The following HOMER2 variants were observed in gnomAD, a reference collection of about 807,000 sequenced individuals.
HOMER2 encodes homer protein homolog 2.
A neutral mutation model predicts 47.0 loss-of-function variants in HOMER2; 27 were observed. The ratio of observed to expected loss-of-function variants is 0.57; its 90% CI spans 0.42 to 0.79. The LOEUF is 0.79. HOMER2 is among the 30% of genes least tolerant of loss of function. The pLI is 0.00. For synonymous variants in HOMER2, 161 were observed against 163.8 expected (o/e 0.98, Z 0.13); for missense variants, 443 against 435.0 (o/e 1.02, Z -0.16).
chr15:82,843,309 A>G (rs1263173336), exon 2 of HOMER2: 1 of 151,620 alleles, frequency 6.6e-6, no homozygotes, highest in Non-Finnish European at 1.5e-5. Context: ...GCGTGGTGGC[A>G]TACACTTGTA....
At chr15:82,841,756 T>C (rs532918557) in exon 2 of HOMER2, 18 of 152,348 alleles carry the variant, frequency 1.2e-4, no homozygotes, top group Admixed American at 9.8e-4. Context: ...ACTGGCTAGT[T>C]ACAAAATCAA....
At chr15:82,852,636 G>C (rs2051435205) in intron 6 of HOMER2, 1 of 184,038 alleles carries the variant, frequency 5.4e-6, no homozygotes, top group Non-Finnish European at 1.1e-5. Flanking sequence ...CTTTTCTCCA[G>C]AATGACTGTT....
intron 2 of HOMER2, among the ~76,000 whole-genome samples, chr15:82,889,863 TGTGGTCAG>T (rs1214765458): frequency 6.6e-6 from 1 of 152,144 alleles, no homozygotes; most frequent in Non-Finnish European, 1.5e-5. Context: ...TCCAGTGCAG[TGTGGTCAG>T]GTTCTCCAGA....
chr15:82,973,904 A>G (rs1339057765), intron 1 of HOMER2, among the ~76,000 whole-genome samples: 1 of 152,042 alleles, frequency 6.6e-6, no homozygotes, highest in African/African-American at 2.4e-5. Flanking sequence ...TGTCTCTACT[A>G]AAAATACAAA....
At chr15:82,975,932 C>T (rs1056230920) in intron 1 of HOMER2, among the ~76,000 whole-genome samples, 1 of 152,092 alleles carries the variant, frequency 6.6e-6, no homozygotes, top group African/African-American at 2.4e-5. Context: ...GTTCTTATTT[C>T]GCATTGTGTG....
chr15:82,954,779 T>C (rs1343067753), upstream of HOMER2, among the ~76,000 whole-genome samples: 1 of 152,072 alleles, frequency 6.6e-6, no homozygotes, highest in Non-Finnish European at 1.5e-5. Flanking sequence ...CATCATTCTG[T>C]TTTGTTGTTG....
chr15:82,953,123 C>A (rs1458289336), upstream of HOMER2, among the ~76,000 whole-genome samples: 5 of 152,296 alleles, frequency 3.3e-5, no homozygotes, highest in South Asian at 2.1e-4. Flanking sequence ...GATTAGAGTT[C>A]GTTCGGGTCT....
upstream of HOMER2, among the ~76,000 whole-genome samples, chr15:82,956,112 T>A (rs928209914): frequency 6.6e-6 from 1 of 151,830 alleles, no homozygotes; most frequent in Non-Finnish European, 1.5e-5. Context: ...TGGTGGTACA[T>A]GCCTGTAATC....
chr15:82,975,860 T>C (rs971864800), intron 1 of HOMER2, among the ~76,000 whole-genome samples: 4 of 152,150 alleles, frequency 2.6e-5, no homozygotes, highest in African/African-American at 4.8e-5. Flanking sequence ...AAGAGTGTAA[T>C]TGGATTGTTT....
At chr15:82,920,217 T>C (rs910870535) in intron 1 of HOMER2, among the ~76,000 whole-genome samples, 2 of 152,194 alleles carry the variant, frequency 1.3e-5, no homozygotes, top group Non-Finnish European at 2.9e-5. Context: ...TCGCCATTGT[T>C]TTGCTGTTGT....
At chr15:82,843,588 A>G (rs1190710206) in exon 2 of HOMER2, 1 of 151,794 alleles carries the variant, frequency 6.6e-6, no homozygotes, top group East Asian at 1.9e-4. Context: ...AAACGTTTTT[A>G]AAAAGCCATA....
chr15:82,855,158 A>C (rs1433991356), intron 5 of HOMER2, among the ~76,000 whole-genome samples: 2 of 151,946 alleles, frequency 1.3e-5, no homozygotes, highest in African/African-American at 4.8e-5. Flanking sequence ...AACATGGTGA[A>C]AACCTGTCTC....
chr15:82,903,576 G>A (rs1188371742), intron 1 of HOMER2, among the ~76,000 whole-genome samples: 2 of 151,962 alleles, frequency 1.3e-5, no homozygotes, highest in South Asian at 2.1e-4. Flanking sequence ...CCGAGATTGC[G>A]CCATTGCACT....
intron 1 of HOMER2, among the ~76,000 whole-genome samples, chr15:82,918,003 C>G (rs1261968187): frequency 5.3e-5 from 8 of 152,150 alleles, no homozygotes; most frequent in Admixed American, 1.3e-4. Flanking sequence ...TGCTCCTCAG[C>G]TGGACCATCT....
intron 1 of HOMER2, among the ~76,000 whole-genome samples, chr15:82,923,683 C>T (rs2053787268): frequency 6.6e-6 from 1 of 152,096 alleles, no homozygotes; most frequent in Non-Finnish European, 1.5e-5. Flanking sequence ...TAATGTTCTC[C>T]TCCCATGCAC....
chr15:82,872,449 C>T (rs2052208266), intron 3 of HOMER2, among the ~76,000 whole-genome samples: 1 of 152,114 alleles, frequency 6.6e-6, no homozygotes. Context: ...TCAGTTCTAC[C>T]CTGGACTAAA....
At chr15:82,895,274 A>G (rs1359108177) in intron 1 of HOMER2, among the ~76,000 whole-genome samples, 2 of 152,150 alleles carry the variant, frequency 1.3e-5, no homozygotes, top group Admixed American at 1.3e-4. Context: ...GTTCACCCAC[A>G]CACTCGATGC....
At chr15:82,950,964 G>T (rs2054493168) in intron 1 of HOMER2, among the ~76,000 whole-genome samples, 1 of 152,170 alleles carries the variant, frequency 6.6e-6, no homozygotes, top group South Asian at 2.1e-4. Flanking sequence ...CAGAAAGAGA[G>T]TTAAAATTAC....
Position 82,919,322 on chromosome 15 carries a change from C to A in HOMER2, c.6-26481G>T, listed in dbSNP as rs77280091. 3.7e-4 allele frequency among the ~76,000 whole-genome samples: 57 copies of A among 152,340 alleles called. No homozygotes were observed. In the East Asian group the frequency reaches 0.011, roughly 28 times the overall value. On this transcript the variant is annotated intron_variant, in intron 1 of 8. Transcript: ENST00000450735. The stretch of plus-strand genomic sequence containing the variant: ...CTTCAGGCCTTACTCAGGGAAGTCA[C>A]AACGGGTTGCTCGTCCATACAGGAT...
Sources: gnomAD v4.1 joint callset for allele counts (sites outside exome capture counted in the v4.1 genomes callset) on GRCh38, gnomAD v4.1.1 for gene constraint, MANE v1.5 for transcripts, NCBI Gene and HGNC (gene_info 2026-07-23, HGNC 2026-07-21) for gene names.